Variants in TPH2 observed in about 807,000 individuals in gnomAD.
The protein encoded by TPH2 is tryptophan 5-hydroxylase 2.
A neutral mutation model predicts 59.1 loss-of-function variants in TPH2; 27 were observed. That is an observed-to-expected ratio of 0.46 (90% CI 0.34 to 0.63). The LOEUF is 0.63. TPH2 is among the 30% of genes least tolerant of loss of function. The pLI, the probability that TPH2 is intolerant of heterozygous loss-of-function variation, is 0.01. For synonymous variants in TPH2, 220 were observed against 210.5 expected, an observed-to-expected ratio of 1.05 and a Z score of -0.39; for missense variants, 523 against 588.3, an observed-to-expected ratio of 0.89 and a Z score of 1.15.
At chr12:71,988,090 A>G (rs1872489588) in intron 7 of TPH2, among the ~76,000 whole-genome samples, 1 of 152,204 alleles carries the variant, frequency 6.6e-6, no homozygotes, top group Non-Finnish European at 1.5e-5. Context: ...GAACATTTTT[A>G]TCATTGCAGA....
At position 71,941,570 on chromosome 12, in the gene TPH2, C is replaced by T. The variant is rs773183085; in HGVS notation, c.106-14C>T. On this transcript the variant is annotated splice_polypyrimidine_tract_variant and intron_variant, in intron 1 of 10. Transcript: ENST00000333850. ...ACTAATATTTTGTTTTATTATGCTTCGACATTCCTGAAGCTAAATAAACCT... is the reference window on the plus strand; with the variant it reads ...ACTAATATTTTGTTTTATTATGCTTTGACATTCCTGAAGCTAAATAAACCT... The T allele has an allele frequency of 9.9e-6, 16 of 1,612,878 alleles. No individual in the cohort carries two copies. Among genetic ancestry groups the T allele is most frequent in the Non-Finnish European group, 1.4e-5 (16 of 1,179,484 alleles).
intron 9 of TPH2, among the ~76,000 whole-genome samples, chr12:72,030,074 A>G (rs2042936778): frequency 6.6e-6 from 1 of 152,166 alleles, no homozygotes; most frequent in East Asian, 1.9e-4. Context: ...ATGGAGGCAC[A>G]GGGAGGTTGA....
intron 8 of TPH2, among the ~76,000 whole-genome samples, chr12:71,998,332 A>G (rs938323653): frequency 2.6e-5 from 4 of 152,142 alleles, no homozygotes; most frequent in Admixed American, 6.6e-5. Context: ...ATTTGGAAGG[A>G]TTTTTCTGTA....
intron 8 of TPH2, among the ~76,000 whole-genome samples, chr12:72,019,034 T>A (rs1465865540): frequency 2.0e-5 from 3 of 152,238 alleles, no homozygotes; most frequent in African/African-American, 7.2e-5. Flanking sequence ...CTTTATTCTA[T>A]GACTGTATGA....
intron 1 of TPH2, among the ~76,000 whole-genome samples, chr12:71,939,793 G>A (rs956455043): frequency 2.6e-5 from 4 of 152,156 alleles, no homozygotes; most frequent in African/African-American, 9.7e-5. Context: ...TCAGGTAGTA[G>A]TCATGGGATT....
Position 71,963,280 on chromosome 12 carries a change from G to A in TPH2, c.609-9239G>A, listed in dbSNP as rs1212786017. Among the ~76,000 whole-genome samples, 3 of 43,478 alleles carry A rather than the reference G, an allele frequency of 6.9e-5. 1 individual carries two copies. Among genetic ancestry groups the A allele is most frequent in the Non-Finnish European group, 1.2e-4 (2 of 17,016 alleles). The allele number at this position is 43,478 out of a possible 152,430, so 28.5% of individuals were successfully genotyped here. On this transcript the variant is annotated intron_variant, in intron 5 of 10. Transcript: ENST00000333850. ...CGCAGGACTCCCAGACTTTTCTTAT[G>A]AATTCTTGGAAGTCAGTAAATAAAA...
At chr12:72,028,954 C>T (rs1332101103) in intron 9 of TPH2, among the ~76,000 whole-genome samples, 1 of 152,178 alleles carries the variant, frequency 6.6e-6, no homozygotes, top group African/African-American at 2.4e-5. Context: ...TGCTCTGGGC[C>T]TTTTCTTGAT....
chr12:71,957,026 CAGAATGTAT>C (rs1397179885), intron 5 of TPH2, among the ~76,000 whole-genome samples: 1 of 152,164 alleles, frequency 6.6e-6, no homozygotes, highest in Non-Finnish European at 1.5e-5. Flanking sequence ...GAAGATGTGG[CAGAATGTAT>C]AGGATTTGGA....
intron 1 of TPH2, 99 bp downstream of exon 1, chr12:71,939,190 C>T: frequency 1.1e-6 from 1 of 869,644 alleles, no homozygotes; most frequent in Non-Finnish European, 1.9e-6. Flanking sequence ...AGCACGCACA[C>T]CTCAAATTTC....
chr12:72,010,904 T>G (rs912093541), intron 8 of TPH2, among the ~76,000 whole-genome samples: 2 of 152,226 alleles, frequency 1.3e-5, no homozygotes, highest in Non-Finnish European at 2.9e-5. Flanking sequence ...TCATCAGTTT[T>G]CTTCTGTTTC....
In TPH2 at chr12:71,961,645, GC is replaced by G. The variant is rs763874864; in HGVS notation, c.609-10873del. The G allele has an allele frequency of 2.3e-5, 31 of 1,352,096 alleles. No homozygotes were observed. In the East Asian group the frequency reaches 1.4e-3, roughly 60 times the overall value. 83.8% of individuals were successfully genotyped at this position (1,352,096 alleles called of 1,614,324 possible). ...AGCTCAAGCTCCTTGTGTATGTTGA[GC>G]GTGCACATATTGATGGATGTTAGAT... On this transcript the variant is annotated intron_variant, in intron 5 of 10. Coordinates refer to ENST00000333850, the MANE Select transcript of TPH2 (RefSeq NM_173353.4).
At chr12:71,949,011 GGT>G (rs1871275123) in intron 4 of TPH2, among the ~76,000 whole-genome samples, 1 of 152,154 alleles carries the variant, frequency 6.6e-6, no homozygotes, top group Non-Finnish European at 1.5e-5. Context: ...AGAGTGAAAT[GGT>G]GCCAGGCTTC....
At chr12:72,024,698 C>A (rs1179511495) in intron 9 of TPH2, among the ~76,000 whole-genome samples, 2 of 152,222 alleles carry the variant, frequency 1.3e-5, no homozygotes, top group Non-Finnish European at 2.9e-5. Flanking sequence ...TGACTTTCCA[C>A]AGGATCTTCT....
chr12:71,949,019 G>A (rs1224147826), intron 4 of TPH2, among the ~76,000 whole-genome samples: 1 of 152,144 alleles, frequency 6.6e-6, no homozygotes, highest in East Asian at 1.9e-4. Flanking sequence ...ATGGTGCCAG[G>A]CTTCTGTCCT....
chr12:71,999,573 A>C (rs1872772476), intron 8 of TPH2, among the ~76,000 whole-genome samples: 1 of 152,230 alleles, frequency 6.6e-6, no homozygotes, highest in Non-Finnish European at 1.5e-5. Flanking sequence ...TGAATTTAAT[A>C]GATTAGTGTG....
chr12:72,017,253 A>C (rs1566166398), intron 8 of TPH2, among the ~76,000 whole-genome samples: 1 of 152,130 alleles, frequency 6.6e-6, no homozygotes, highest in Non-Finnish European at 1.5e-5. Context: ...TAGTGATCTG[A>C]AGATGGCAGC....
At chr12:72,028,941 G>C (rs1379893944) in intron 9 of TPH2, among the ~76,000 whole-genome samples, 1 of 152,164 alleles carries the variant, frequency 6.6e-6, no homozygotes. Flanking sequence ...GCAGAGTGCC[G>C]TATGCTCTGG....
rs1256866623 is a variant in TPH2 at position 72,029,338 on chromosome 12, A to C, written c.1165-1920A>C. On this transcript the variant is annotated intron_variant, in intron 9 of 10. Coordinates refer to ENST00000333850, the MANE Select transcript of TPH2 (RefSeq NM_173353.4). ...GTAGGAAGACTAAACACATTGAGCC[A>C]GCCACAGTCCTTTCCATATGTACTG... Among the ~76,000 whole-genome samples, 3 of 152,340 alleles carry C rather than the reference A, an allele frequency of 2.0e-5. No individual in the cohort carries two copies. The East Asian group carries it at 5.8e-4, about 29-fold the overall frequency.
intron 8 of TPH2, among the ~76,000 whole-genome samples, chr12:72,010,432 G>A (rs1873070809): frequency 6.6e-6 from 1 of 152,186 alleles, no homozygotes; most frequent in Non-Finnish European, 1.5e-5. Flanking sequence ...GATGCTTGGT[G>A]TCATCTCTGA....
Sources: allele counts gnomAD v4.1 joint callset (sites outside exome capture counted in the v4.1 genomes callset), GRCh38; gene constraint gnomAD v4.1.1; transcripts MANE v1.5; gene names NCBI Gene and HGNC (gene_info 2026-07-23, HGNC 2026-07-21).